SCN11A: variants seen among roughly 807,000 people sequenced by gnomAD.
SCN11A encodes sodium voltage-gated channel alpha subunit 11, also known as sodium channel protein type 11 subunit alpha.
Under a neutral mutation model 162.2 loss-of-function variants are expected in SCN11A, and 122 were observed. The ratio of observed to expected loss-of-function variants is 0.75; its 90% confidence interval spans 0.65 to 0.87. The LOEUF is 0.87. Ranked by LOEUF, SCN11A falls within the 40% of genes least tolerant of loss-of-function variation. The pLI, the probability that SCN11A is intolerant of heterozygous loss-of-function variation, is 0.00. For missense variants in SCN11A, 2,015 were observed against 2,181.6 expected (o/e 0.92, Z 1.52); for synonymous variants, 758 against 751.5 (o/e 1.01, Z -0.14).
At chr3:38,991,160 C>A (rs951008498) in intron 2 of SCN11A, among the ~76,000 whole-genome samples, 2 of 152,092 alleles carry the variant, frequency 1.3e-5, no homozygotes, top group Non-Finnish European at 2.9e-5. Flanking sequence ...GAAAGTTTCA[C>A]CTTGAATCAC....
chr3:38,890,161 C>T (rs2065475673), intron 19 of SCN11A, among the ~76,000 whole-genome samples: 1 of 152,182 alleles, frequency 6.6e-6, no homozygotes, highest in African/African-American at 2.4e-5. Context: ...GAATCATCCT[C>T]ATTCCAGCTT....
At chr3:38,909,991 T>C (rs1034317898) in intron 12 of SCN11A, 75 bp downstream of exon 12, 30 of 1,368,080 alleles carry the variant, frequency 2.2e-5, no homozygotes, top group Admixed American at 4.5e-5. Context: ...GGTAAATAAA[T>C]AGGTAAGTGA....
At position 38,981,945 on chromosome 3, in the gene SCN11A, A is replaced by G. The variant is rs566021540; in HGVS notation, c.-279-21522T>C. On this transcript the variant is annotated intron_variant, in intron 2 of 29. Transcript: ENST00000302328. ...CTTGAACCCAGGAGGCAGAGGTTGC[A>G]GTGAGCCAAGATCCCAAGGTCATGC... is the stretch of plus-strand genomic sequence containing the variant. Among the ~76,000 whole-genome samples the G allele has an allele frequency of 2.0e-5, 3 of 151,932 alleles. No individual in the cohort carries two copies. The South Asian group carries it at 6.3e-4, about 32-fold the overall frequency.
chr3:38,850,540 T>C lies in SCN11A; in HGVS notation c.4268A>G (p.Tyr1423Cys). 6.2e-7 allele frequency: 1 copy of C among 1,613,928 alleles called. No individual in the cohort carries two copies. Among genetic ancestry groups the C allele is most frequent in the Non-Finnish European group, 8.5e-7 (1 of 1,179,822 alleles). ...TAAATTCCAGCCATTGGTGAAGTAG[T>C]ATTGCCTCAAAGCAAAGATTTTGAT... ...CLIKIFALRQ[Y>C]YFTNGWNLFD... The change falls in exon 29 of 30, where the codon TAC becomes TGC. Residue 1423 changes from tyrosine to cysteine, a missense_variant. By Grantham distance (194) the Tyr-to-Cys change is radical (BLOSUM62 -2). Transcript: ENST00000302328.
intron 2 of SCN11A, among the ~76,000 whole-genome samples, chr3:39,013,179 A>T (rs1353078320): frequency 6.6e-6 from 1 of 152,246 alleles, no homozygotes; most frequent in African/African-American, 2.4e-5. Flanking sequence ...AAATGAAAAA[A>T]AGTCATCAAT....
At position 38,847,415 on chromosome 3, in the gene SCN11A, C is replaced by T. The variant is rs186698829; in HGVS notation, c.4655G>A (p.Gly1552Asp). 1 of 1,614,164 alleles carries T rather than the reference C, an allele frequency of 6.2e-7. No homozygotes were observed. Among genetic ancestry groups the T allele is most frequent in the Non-Finnish European group, 8.5e-7 (1 of 1,180,014 alleles). Residue 1552 changes from glycine (G) to aspartate (D), a missense_variant, in exon 30 of 30, where the codon GGT becomes GAT. Transcript: ENST00000302328. Reference sequence around the variant, plus strand: ...CATGGGGCTGAGCAGGGAATCCCAACCTGCTGATGTGCTTATCTGGAAGAG... The same window carrying T: ...CATGGGGCTGAGCAGGGAATCCCAATCTGCTGATGTGCTTATCTGGAAGAG... Reference protein sequence around the residue: ...LCLFQISTSAGWDSLLSPMLR... With the variant: ...LCLFQISTSADWDSLLSPMLR...
At chr3:39,007,401 G>C (rs2031009273) in intron 2 of SCN11A, among the ~76,000 whole-genome samples, 1 of 152,020 alleles carries the variant, frequency 6.6e-6, no homozygotes, top group African/African-American at 2.4e-5. Context: ...TATGACCCTT[G>C]GAATCTCCAG....
At position 38,875,917 on chromosome 3, in the gene SCN11A, A is replaced by G. The variant is rs1032816136; in HGVS notation, c.3394-3623T>C. ...TGCATACCCAAAGCAAGACTAACCA[A>G]AAAGAACAAATCTGGAGACATCACA... On this transcript the variant is annotated intron_variant, in intron 23 of 29. Coordinates refer to ENST00000302328, the MANE Select transcript of SCN11A (RefSeq NM_001349253.2). Among the ~76,000 whole-genome samples the G allele has an allele frequency of 3.3e-5, 5 of 152,136 alleles. No homozygotes were observed. In the South Asian group the frequency reaches 6.2e-4, roughly 19 times the overall value.
chr3:38,913,624 T>C (rs187327691), intron 11 of SCN11A, among the ~76,000 whole-genome samples: 225 of 152,326 alleles, frequency 1.5e-3, no homozygotes, highest in African/African-American at 5.3e-3. Context: ...TTTTTATAGT[T>C]TGGGGATTTA....
intron 2 of SCN11A, among the ~76,000 whole-genome samples, chr3:39,000,028 T>G (rs2030762196): frequency 6.6e-6 from 1 of 152,188 alleles, no homozygotes; most frequent in Admixed American, 6.5e-5. Flanking sequence ...GGCTCTCAGC[T>G]CCTGTAGGTT....
intron 2 of SCN11A, among the ~76,000 whole-genome samples, chr3:39,029,302 T>C (rs910647511): frequency 6.6e-6 from 1 of 152,226 alleles, no homozygotes; most frequent in Non-Finnish European, 1.5e-5. Flanking sequence ...TATATCTATA[T>C]AAATATGTAT....
intron 7 of SCN11A, among the ~76,000 whole-genome samples, chr3:38,928,468 C>A: frequency 6.6e-6 from 1 of 152,132 alleles, no homozygotes; most frequent in Non-Finnish European, 1.5e-5. Flanking sequence ...AGCAAACCAC[C>A]ATGGCACACA....
chr3:38,900,290 C>A (rs992589508), intron 16 of SCN11A, among the ~76,000 whole-genome samples: 2 of 152,122 alleles, frequency 1.3e-5, no homozygotes, highest in East Asian at 3.9e-4. Flanking sequence ...GTGCCCAGAG[C>A]AATGTAACCA....
intron 4 of SCN11A, among the ~76,000 whole-genome samples, chr3:38,953,134 G>A (rs1362984519): frequency 1.3e-5 from 2 of 152,040 alleles, no homozygotes; most frequent in African/African-American, 4.8e-5. Flanking sequence ...GAGCTGGAAG[G>A]CCCTTAGCAA....
chr3:38,892,498 T>C (rs1482775563), intron 19 of SCN11A, among the ~76,000 whole-genome samples: 3 of 152,254 alleles, frequency 2.0e-5, no homozygotes, highest in South Asian at 2.1e-4. Context: ...CAAAGTTGCA[T>C]TGGAGTAAGA....
chr3:38,974,384 T>C (rs1489464343), intron 2 of SCN11A, among the ~76,000 whole-genome samples: 1 of 151,924 alleles, frequency 6.6e-6, no homozygotes, highest in Non-Finnish European at 1.5e-5. Flanking sequence ...GGTTGGGACA[T>C]GGAGAATGAA....
chr3:38,884,537 G>A (rs889174812), intron 21 of SCN11A, among the ~76,000 whole-genome samples: 2 of 152,060 alleles, frequency 1.3e-5, no homozygotes, highest in African/African-American at 4.8e-5. Flanking sequence ...CCATTTCTGG[G>A]CCGGCTTCTA....
At chr3:38,972,027 A>G (rs564808375) in intron 2 of SCN11A, among the ~76,000 whole-genome samples, 19 of 152,332 alleles carry the variant, frequency 1.2e-4, no homozygotes, top group African/African-American at 4.6e-4. Context: ...AGAGCTGAGC[A>G]TCAGAACAAA....
intron 2 of SCN11A, among the ~76,000 whole-genome samples, chr3:39,010,917 G>C (rs1242538403): frequency 2.0e-5 from 3 of 152,138 alleles, no homozygotes; most frequent in Non-Finnish European, 4.4e-5. Context: ...AAAAACTGCT[G>C]TTCATTGAAG....
Sources: allele counts gnomAD v4.1 joint callset (sites outside exome capture counted in the v4.1 genomes callset), GRCh38; gene constraint gnomAD v4.1.1; transcripts MANE v1.5; gene names NCBI Gene and HGNC (gene_info 2026-07-23, HGNC 2026-07-21).